CFHR1: variants seen among roughly 807,000 people sequenced by gnomAD.
The protein encoded by CFHR1 is complement factor H-related protein 1.
Under a neutral mutation model 30.4 loss-of-function variants are expected in CFHR1, and 22 were observed. The ratio of observed to expected loss-of-function variants is 0.72; its 90% CI spans 0.52 to 1.03. CFHR1 has a LOEUF of 1.03. CFHR1 is among the 50% of genes least tolerant of loss of function. The pLI, the probability that CFHR1 is intolerant of heterozygous loss-of-function variation, is 0.00. For synonymous variants in CFHR1, 95 were observed against 129.1 expected (o/e 0.74, Z 1.79); for missense variants, 248 against 380.6 (o/e 0.65, Z 2.90).
Position 196,830,109 on chromosome 1 carries a change from C to T in CFHR1, c.608-391C>T, listed in dbSNP as rs1211005556. On this transcript the variant is annotated intron_variant, in intron 4 of 5. Coordinates refer to ENST00000320493, the MANE Select transcript of CFHR1 (RefSeq NM_002113.3). ...TATCATACTTTTCCATTTTATAATT[C>T]CTACGGGATTTTTAAGAACCATCAT... Among the ~76,000 whole-genome samples, 3 of 134,916 alleles carry T rather than the reference C, an allele frequency of 2.2e-5. 1 individual carries two copies. The highest frequency in any genetic ancestry group is 3.2e-5 in the African/African-American group (1 of 31,588). The allele number at this position is 134,916 out of a possible 152,430, so 88.5% of individuals were successfully genotyped here.
At position 196,830,483 on chromosome 1, in the gene CFHR1, G is replaced by A; in HGVS notation, c.608-17G>A. 1.3e-6 allele frequency: 2 copies of A among 1,524,520 alleles called. No individual in the cohort carries two copies. The highest frequency in any genetic ancestry group is 1.8e-6 in the Non-Finnish European group (2 of 1,128,386). The allele number at this position is 1,524,520 out of a possible 1,614,324, so 94.4% of individuals were successfully genotyped here. A position where few individuals can be genotyped will look rare whatever the true frequency, so the allele number is the denominator to read the frequency against. Reference sequence around the variant, plus strand: ...TTGCTCTCACAATAAATCAAGTGATGAAATGATGTTTTTTAGATTCTACGG... The same window carrying A: ...TTGCTCTCACAATAAATCAAGTGATAAAATGATGTTTTTTAGATTCTACGG... On this transcript the variant is annotated splice_polypyrimidine_tract_variant and intron_variant, in intron 4 of 5. Transcript: ENST00000320493.
chr1:196,823,083 GTATA>G (rs533753280), intron 1 of CFHR1, among the ~76,000 whole-genome samples: 3 of 119,284 alleles, frequency 2.5e-5, no homozygotes, highest in African/African-American at 4.0e-5. Context: ...CTGTACGACT[GTATA>G]TATATATATA....
chr1:196,823,093 ATATATATATGTGTGTGTG>A lies in CFHR1; in HGVS notation c.59-2382_59-2365del, dbSNP rs1395014441. Among the ~76,000 whole-genome samples the A allele has an allele frequency of 2.3e-4, 28 of 120,764 alleles. 4 individuals are homozygous for A. The highest frequency in any genetic ancestry group is 4.1e-3 in the Middle Eastern group (1 of 246). The allele number at this position is 120,764 out of a possible 152,430, so 79.2% of individuals were successfully genotyped here. On this transcript the variant is annotated intron_variant, in intron 1 of 5. Transcript: ENST00000320493. ...AATAACTGTACGACTGTATATATAT[ATATATATATGTGTGTGTG>A]TGTGTGTGTGTGTGTGTGTGTGTAT...
At chr1:196,822,786 A>G (rs406777) in intron 1 of CFHR1, among the ~76,000 whole-genome samples, 63,394 of 133,208 alleles carry the variant, frequency 0.48, 21,416 homozygotes, top group African/African-American at 0.59. Flanking sequence ...ATAAAATACT[A>G]ATAACAATTA....
chr1:196,825,709 A>C lies in CFHR1; in HGVS notation c.253+38A>C. The C allele has an allele frequency of 2.7e-6, 4 of 1,465,970 alleles. 1 individual carries two copies. The highest frequency in any genetic ancestry group is 3.7e-6 in the Non-Finnish European group (4 of 1,078,384). The allele number at this position is 1,465,970 out of a possible 1,614,324, so 90.8% of individuals were successfully genotyped here. Reference sequence around the variant, plus strand: ...TCTGTTCATTAAATGGATGTCATTCAGTGAATAGAGAAGGATATGCCAGAC... The same window carrying C: ...TCTGTTCATTAAATGGATGTCATTCCGTGAATAGAGAAGGATATGCCAGAC... On this transcript the variant is annotated intron_variant, in intron 2 of 5. Transcript: ENST00000320493.
chr1:196,822,629 T>C (rs1655161208), intron 1 of CFHR1, among the ~76,000 whole-genome samples: 1 of 134,508 alleles, frequency 7.4e-6, no homozygotes, highest in Non-Finnish European at 1.6e-5. Context: ...CTTGTCCCAC[T>C]GGAAGGTCTT....
chr1:196,831,622 T>C (rs1483879707), intron 5 of CFHR1, among the ~76,000 whole-genome samples, 175 bp from the exon 6 acceptor site: 1 of 135,580 alleles, frequency 7.4e-6, no homozygotes, highest in Admixed American at 7.1e-5. Flanking sequence ...CATTTTCACA[T>C]CGATTACCAT....
intron 1 of CFHR1, among the ~76,000 whole-genome samples, chr1:196,823,639 C>G (rs1202559629): frequency 7.4e-6 from 1 of 135,688 alleles, no homozygotes; most frequent in East Asian, 2.0e-4. Context: ...AGCTTAATTT[C>G]TGCACACATC....
intron 1 of CFHR1, among the ~76,000 whole-genome samples, chr1:196,822,832 T>C (rs1655169420): frequency 7.4e-6 from 1 of 135,478 alleles, no homozygotes; most frequent in African/African-American, 3.2e-5. Flanking sequence ...AACACTTCTA[T>C]ATTATCATCA....
chr1:196,827,020 GT>G lies in CFHR1; in HGVS notation c.430+17del. 3 of 1,515,318 alleles carry G rather than the reference GT, an allele frequency of 2.0e-6. 1 individual carries two copies. The highest frequency in any genetic ancestry group is 2.7e-6 in the Non-Finnish European group (3 of 1,120,564). The allele number at this position is 1,515,318 out of a possible 1,614,324, so 93.9% of individuals were successfully genotyped here. The stretch of plus-strand genomic sequence containing the variant: ...CAGGTCCACTGGTAAGTACAATGCT[GT>G]TCTCTCATATGCTGTTATCTATTAT... On this transcript the variant is annotated intron_variant, in intron 3 of 5. Coordinates refer to ENST00000320493, the MANE Select transcript of CFHR1 (RefSeq NM_002113.3).
intron 1 of CFHR1, among the ~76,000 whole-genome samples, chr1:196,822,234 G>C (rs386816): frequency 0.34 from 34,401 of 100,118 alleles, 8,895 homozygotes; most frequent in East Asian, 0.47. Context: ...TTATTTACTT[G>C]AATAGTTTTG....
intron 5 of CFHR1, among the ~76,000 whole-genome samples, chr1:196,831,516 T>C (rs1288939384): frequency 2.2e-5 from 3 of 136,094 alleles, no homozygotes; most frequent in Admixed American, 2.1e-4. Context: ...AAAGCAGCAA[T>C]GATAAGTTCT....
chr1:196,826,452 C>G (rs1291695576), intron 2 of CFHR1, among the ~76,000 whole-genome samples: 1 of 109,792 alleles, frequency 9.1e-6, no homozygotes. Flanking sequence ...TTGATTTCAG[C>G]TTTGAAAGCT....
At position 196,831,564 on chromosome 1, in the gene CFHR1, A is replaced by T. The variant is rs563525461; in HGVS notation, c.791-233A>T. Among the ~76,000 whole-genome samples, 18 of 135,928 alleles carry T rather than the reference A, an allele frequency of 1.3e-4. No individual in the cohort carries two copies. The East Asian group carries it at 3.5e-3, about 27-fold the overall frequency. The allele number at this position is 135,928 out of a possible 152,430, so 89.2% of individuals were successfully genotyped here. Reference sequence around the variant, plus strand: ...TCCTAAAATGACAACTGATGTAATGAATCATTGATAATACACCCCTAATTC... The same window carrying T: ...TCCTAAAATGACAACTGATGTAATGTATCATTGATAATACACCCCTAATTC... On this transcript the variant is annotated intron_variant, in intron 5 of 5. Transcript: ENST00000320493.
Position 196,822,147 on chromosome 1 carries a change from G to A in CFHR1, c.58+2245G>A, listed in dbSNP as rs1419623809. ...ACATGAGTGGTGAGTGAATGTGATG[G>A]CTTAGAACATCACCATACACTACTA... On this transcript the variant is annotated intron_variant, in intron 1 of 5. Transcript: ENST00000320493. Among the ~76,000 whole-genome samples the A allele has an allele frequency of 1.1e-4, 14 of 127,248 alleles. 2 individuals are homozygous for A. Among genetic ancestry groups the A allele is most frequent in the Middle Eastern group, 4.1e-3 (1 of 242 alleles). 83.5% of individuals were successfully genotyped at this position (127,248 alleles called of 152,430 possible). A position where few individuals can be genotyped will look rare whatever the true frequency, so the allele number is the denominator to read the frequency against.
rs186522541 is a variant in CFHR1, at chr1:196,829,005, C to T, written c.607+759C>T. Among the ~76,000 whole-genome samples the T allele has an allele frequency of 1.1e-3, 141 of 133,380 alleles. 38 individuals are homozygous for T. Among genetic ancestry groups the T allele is most frequent in the African/African-American group, 4.4e-3 (136 of 30,980 alleles). The allele number at this position is 133,380 out of a possible 152,430, so 87.5% of individuals were successfully genotyped here. On this transcript the variant is annotated intron_variant, in intron 4 of 5. Transcript: ENST00000320493. ...GTCATTTATTTGTTTCTGTCTGTTC[C>T]CTCTGGGTTTCAGTCCTATTTCCCT...
At chr1:196,820,995 A>C (rs1261946877) in intron 1 of CFHR1, 1 of 134,462 alleles carries the variant, frequency 7.4e-6, no homozygotes, top group East Asian at 2.0e-4. Context: ...ATGCACCACG[A>C]CGCCTGGCTA....
Position 196,828,155 on chromosome 1 carries a change from A to G in CFHR1, c.516A>G (p.Val172=). 2 of 1,216,906 alleles carry G rather than the reference A, an allele frequency of 1.6e-6. 1 individual carries two copies. 75.4% of individuals were successfully genotyped at this position (1,216,906 alleles called of 1,614,324 possible). ...GTAAATATCCATCTGGTGAGAGAGTACGTTATGAATGTAGGAGCCCTTATG... is the reference window on the plus strand; with the variant it reads ...GTAAATATCCATCTGGTGAGAGAGTGCGTTATGAATGTAGGAGCCCTTATG... The part of the protein sequence containing the change: ...QMSKYPSGER[V]RYECRSPYEM... The change falls in exon 4 of 6, where the codon GTA becomes GTG. Residue 172 remains valine (V), a synonymous_variant. Coordinates refer to ENST00000320493, the MANE Select transcript of CFHR1 (RefSeq NM_002113.3).
chr1:196,829,368 G>A (rs566396893), intron 4 of CFHR1, among the ~76,000 whole-genome samples: 1 of 135,088 alleles, frequency 7.4e-6, no homozygotes, highest in Admixed American at 7.1e-5. Context: ...TGAGGAAAAA[G>A]ATATCGTGTT....
Sources: gnomAD v4.1 joint callset for allele counts (sites outside exome capture counted in the v4.1 genomes callset) on GRCh38, gnomAD v4.1.1 for gene constraint, MANE v1.5 for transcripts, NCBI Gene and HGNC (gene_info 2026-07-23, HGNC 2026-07-21) for gene names.